Variants in GLB1 observed in about 807,000 individuals in gnomAD.
The protein encoded by GLB1 is galactosidase beta 1.
Under a neutral mutation model 74.0 loss-of-function variants are expected in GLB1, and 56 were observed. The observed-to-expected ratio is 0.76, with a 90% CI of 0.61 to 0.94. GLB1 has a LOEUF of 0.94. Among genes scored for constraint, GLB1 ranks in the 40% least tolerant of loss-of-function variants. The pLI, the probability that GLB1 is intolerant of heterozygous loss-of-function variation, is 0.00. For synonymous variants in GLB1, 323 were observed against 323.6 expected (o/e 1.00, Z 0.02); for missense variants, 787 against 845.5 (o/e 0.93, Z 0.86).
chr3:33,063,397 A>G (rs1406321547), intron 5 of GLB1, among the ~76,000 whole-genome samples: 2 of 152,072 alleles, frequency 1.3e-5, no homozygotes, highest in Non-Finnish European at 2.9e-5. Flanking sequence ...AAAAATGATT[A>G]GTGGGATTCA....
chr3:32,966,434 C>T, the GLB1 span, among the ~76,000 whole-genome samples: 1 of 152,168 alleles, frequency 6.6e-6, no homozygotes, highest in South Asian at 2.1e-4. Context: ...TTTGGAGCAG[C>T]TGTATTTACC....
At chr3:33,070,169 T>G (rs957497787) in intron 2 of GLB1, among the ~76,000 whole-genome samples, 4 of 152,246 alleles carry the variant, frequency 2.6e-5, no homozygotes, top group African/African-American at 9.6e-5. Context: ...TATTCCATGG[T>G]GTATATGTAC....
chr3:33,037,827 G>A (rs1290307284), intron 10 of GLB1: 3 of 152,118 alleles, frequency 2.0e-5, no homozygotes, highest in Non-Finnish European at 4.4e-5. Context: ...TGACATAAGT[G>A]AAGAAAAACA....
At chr3:33,043,836 C>CAAAA (rs1207279630) in intron 10 of GLB1, among the ~76,000 whole-genome samples, 1 of 13,668 alleles carries the variant, frequency 7.3e-5, no homozygotes, top group African/African-American at 2.2e-4. Context: ...AATAACAGAC[C>CAAAA]AAAAAAAGAA....
At chr3:33,024,555 C>A (rs1168180928) in intron 10 of GLB1, 20 of 506,818 alleles carry the variant, frequency 3.9e-5, no homozygotes, top group Non-Finnish European at 5.9e-5. Context: ...TAATTATAAA[C>A]CGAAAGACCT....
At chr3:32,973,304 G>A in the GLB1 span, among the ~76,000 whole-genome samples, 1 of 152,074 alleles carries the variant, frequency 6.6e-6, no homozygotes, top group African/African-American at 2.4e-5. Flanking sequence ...CTGTGTGTGT[G>A]TGTATATATA....
intron 1 of GLB1, chr3:33,091,052 A>G (rs1211576175): frequency 2.0e-6 from 2 of 985,350 alleles, no homozygotes; most frequent in Non-Finnish European, 2.4e-6. Flanking sequence ...CAGCCGCATC[A>G]AACAGTGGAA....
intron 12 of GLB1, among the ~76,000 whole-genome samples, chr3:33,020,700 G>A (rs9872578): frequency 0.084 from 12,825 of 152,250 alleles, 763 homozygotes; most frequent in East Asian, 0.31. Flanking sequence ...TGTAAAGGAC[G>A]TTATTGCAAT....
the GLB1 span, among the ~76,000 whole-genome samples, chr3:32,964,839 G>A: frequency 6.6e-6 from 1 of 152,180 alleles, no homozygotes; most frequent in Non-Finnish European, 1.5e-5. Context: ...ACGTGTCATG[G>A]GAGGGACCCA....
Position 33,022,564 on chromosome 3 carries a change from A to ATT in GLB1, c.1144-911_1144-910dup, listed in dbSNP as rs61013692. Reference sequence around the variant, plus strand: ...TTCCATGACTATAATACTGGTTAGGATTTTTTTTTTTTTTTTTTTGAGAGA... The same window carrying ATT: ...TTCCATGACTATAATACTGGTTAGGATTTTTTTTTTTTTTTTTTTTTGAGAGA... On this transcript the variant is annotated intron_variant, in intron 11 of 15. Transcript: ENST00000307363. Among the ~76,000 whole-genome samples, 26 of 63,764 alleles carry ATT rather than the reference A, an allele frequency of 4.1e-4. 3 individuals are homozygous for ATT. The highest frequency in any genetic ancestry group is 1.7e-3 in the East Asian group (3 of 1,720). The allele number at this position is 63,764 out of a possible 152,430, so 41.8% of individuals were successfully genotyped here.
At position 32,999,003 on chromosome 3, in the gene GLB1, CATTGGGGACAATG is replaced by C. The variant is rs991439380; in HGVS notation, c.1735-1672_1735-1660del. Among the ~76,000 whole-genome samples, 98 of 152,322 alleles carry C rather than the reference CATTGGGGACAATG, an allele frequency of 6.4e-4. 1 individual carries two copies. The highest frequency in any genetic ancestry group is 2.2e-3 in the African/African-American group (92 of 41,576). On this transcript the variant is annotated intron_variant, in intron 15 of 15. Coordinates refer to ENST00000307363, the MANE Select transcript of GLB1 (RefSeq NM_000404.4). ...TCTCAACTCAATTTTTCATACCAGTCATTGGGGACAATGATGATGAAGGAACAGTGTGTGGCCT... is the reference window on the plus strand; with the variant it reads ...TCTCAACTCAATTTTTCATACCAGTCATGATGAAGGAACAGTGTGTGGCCT...
the GLB1 span, among the ~76,000 whole-genome samples, chr3:32,968,020 G>C: frequency 2.6e-5 from 4 of 152,224 alleles, no homozygotes; most frequent in African/African-American, 9.6e-5. Flanking sequence ...GGCGGCAGGA[G>C]TGGCTTTTCA....
chr3:33,059,244 T>C (rs1404951948), intron 5 of GLB1, among the ~76,000 whole-genome samples: 9 of 144,456 alleles, frequency 6.2e-5, no homozygotes, highest in African/African-American at 2.1e-4. Context: ...ATATAAAACA[T>C]ACACACACAC....
chr3:32,962,393 G>GT, the GLB1 span, among the ~76,000 whole-genome samples: 17 of 150,884 alleles, frequency 1.1e-4, no homozygotes, highest in African/African-American at 4.2e-4. Flanking sequence ...AATGTATGGT[G>GT]TTAATAACAG....
chr3:33,011,577 A>G (rs9814670), intron 15 of GLB1, among the ~76,000 whole-genome samples: 52,599 of 148,372 alleles, frequency 0.35, 10,244 homozygotes, highest in East Asian at 0.8. Context: ...CCCGGGAGGC[A>G]GAGGTTGCAG....
At chr3:32,983,072 T>C in the GLB1 span, among the ~76,000 whole-genome samples, 1 of 152,234 alleles carries the variant, frequency 6.6e-6, no homozygotes, top group Non-Finnish European at 1.5e-5. Context: ...TACTTTGACA[T>C]GTCTAGGTGT....
At chr3:32,994,232 C>A (rs1025785695), downstream of GLB1, among the ~76,000 whole-genome samples, 4 of 152,138 alleles carry the variant, frequency 2.6e-5, no homozygotes, top group Admixed American at 2.0e-4. Flanking sequence ...CAATGGAATG[C>A]GACTCAGCAA....
chr3:33,045,260 GTAAA>G lies in GLB1; in HGVS notation c.1068+856_1068+859del, dbSNP rs1045961147. On this transcript the variant is annotated intron_variant, in intron 10 of 15. Transcript: ENST00000307363. ...TAGACTCACTCTTTTTTTTTTTTAGGTAAATAAATAATTATTGTTCATTTATTTG... is the reference window on the plus strand; with the variant it reads ...TAGACTCACTCTTTTTTTTTTTTAGGTAAATAATTATTGTTCATTTATTTG... 31 of 739,360 alleles carry G rather than the reference GTAAA, an allele frequency of 4.2e-5. No individual in the cohort carries two copies. In the African/African-American group the frequency reaches 5.4e-4, roughly 13 times the overall value. The allele number at this position is 739,360 out of a possible 1,614,324, so 45.8% of individuals were successfully genotyped here.
At chr3:33,050,964 C>T (rs1464438913) in intron 9 of GLB1, among the ~76,000 whole-genome samples, 1 of 152,210 alleles carries the variant, frequency 6.6e-6, no homozygotes, top group Non-Finnish European at 1.5e-5. Context: ...CGCAGTGGCT[C>T]ACGCCTGTAA....
Sources: allele counts gnomAD v4.1 joint callset (sites outside exome capture counted in the v4.1 genomes callset), GRCh38; gene constraint gnomAD v4.1.1; transcripts MANE v1.5; gene names NCBI Gene and HGNC (gene_info 2026-07-23, HGNC 2026-07-21).